PHLPP2: variants seen among roughly 807,000 people sequenced by gnomAD.
PHLPP2 encodes PH domain and leucine rich repeat protein phosphatase 2.
PHLPP2 carries 66 observed loss-of-function variants against 124.9 expected under a neutral mutation model. The ratio of observed to expected loss-of-function variants is 0.53; its 90% CI spans 0.43 to 0.65. The LOEUF is 0.65. PHLPP2 is among the 30% of genes least tolerant of loss of function. The probability of loss-of-function intolerance (pLI) is 0.00; values close to 1 mark genes in which losing one functional copy is unlikely to be tolerated. For synonymous variants in PHLPP2, 681 were observed against 624.7 expected (o/e 1.09, Z -1.34); for missense variants, 1,685 against 1,600.4 (o/e 1.05, Z -0.90).
chr16:71,723,718 C>T, intron 1 of PHLPP2: 13 of 912,320 alleles, frequency 1.4e-5, no homozygotes, highest in South Asian at 5.6e-5. Flanking sequence ...CTCCCTAGTC[C>T]GCTTGCCCGC....
intron 3 of PHLPP2, among the ~76,000 whole-genome samples, chr16:71,694,834 G>A (rs371317121): frequency 6.6e-6 from 1 of 151,866 alleles, no homozygotes; most frequent in African/African-American, 2.4e-5. Context: ...GCCCAGGCTG[G>A]AGTGCAGTGG....
chr16:71,665,821 C>T (rs889949736), intron 12 of PHLPP2, among the ~76,000 whole-genome samples: 1 of 152,168 alleles, frequency 6.6e-6, no homozygotes, highest in African/African-American at 2.4e-5. Flanking sequence ...TGCATCAATA[C>T]TCCATTAAAT....
chr16:71,719,645 C>A (rs920293829), intron 1 of PHLPP2, among the ~76,000 whole-genome samples: 1 of 151,470 alleles, frequency 6.6e-6, no homozygotes, highest in Admixed American at 6.6e-5. Flanking sequence ...TGACACACAC[C>A]GACATTAGTT....
At chr16:71,670,695 A>AACACACACACACACAC (rs71153651) in intron 10 of PHLPP2, among the ~76,000 whole-genome samples, 14,890 of 128,848 alleles carry the variant, frequency 0.12, 1,138 homozygotes, top group Middle Eastern at 0.18. Context: ...AGAGGCTGAA[A>AACACACACACACACAC]ACACACACAC....
At chr16:71,680,210 C>A (rs1440221612) in intron 6 of PHLPP2, among the ~76,000 whole-genome samples, 1 of 152,130 alleles carries the variant, frequency 6.6e-6, no homozygotes, top group Non-Finnish European at 1.5e-5. Flanking sequence ...ATGTAATATA[C>A]AAAATCCTTG....
intron 1 of PHLPP2, among the ~76,000 whole-genome samples, chr16:71,718,253 A>G (rs1004212854): frequency 6.6e-6 from 1 of 152,134 alleles, no homozygotes; most frequent in Non-Finnish European, 1.5e-5. Flanking sequence ...TTTACCTTAG[A>G]TTATAAATTC....
chr16:71,667,346 C>T lies in PHLPP2; in HGVS notation c.1629-13G>A, dbSNP rs2044848645. On this transcript the variant is annotated splice_polypyrimidine_tract_variant and intron_variant, in intron 11 of 18. Transcript: ENST00000568954. ...GCTACTCAGAATTCTAAGGGGGGAG[C>T]ATACAAACAAACACATTAAAAACTT... is the stretch of plus-strand genomic sequence containing the variant. 9 of 1,598,818 alleles carry T rather than the reference C, an allele frequency of 5.6e-6. No individual in the cohort carries two copies. The highest frequency in any genetic ancestry group is 6.8e-6 in the Non-Finnish European group (8 of 1,167,984).
In PHLPP2 at chr16:71,665,390, A is replaced by T. The variant is rs1259772674; in HGVS notation, c.1785-1291T>A. On this transcript the variant is annotated intron_variant, in intron 12 of 18. Transcript: ENST00000568954. ...ACCTTTGTCAACACTGAATATTACA[A>T]ATCCATTAATCTTTGCCAGTCTAGT... 5.3e-5 allele frequency among the ~76,000 whole-genome samples: 8 copies of T among 152,206 alleles called. No homozygotes were observed. The East Asian group carries it at 1.5e-3, about 29-fold the overall frequency.
intron 3 of PHLPP2, among the ~76,000 whole-genome samples, chr16:71,701,686 C>G (rs1036865688): frequency 2.0e-5 from 3 of 152,142 alleles, no homozygotes; most frequent in African/African-American, 7.2e-5. Context: ...AAAATATACA[C>G]AGTAGCCCCC....
At chr16:71,699,840 CA>C (rs1435581407) in intron 3 of PHLPP2, among the ~76,000 whole-genome samples, 1 of 152,242 alleles carries the variant, frequency 6.6e-6, no homozygotes, top group Non-Finnish European at 1.5e-5. Flanking sequence ...CAAGCCTACA[CA>C]GAGTTTGCTT....
chr16:71,672,459 A>G (rs2044903466), intron 9 of PHLPP2, 137 bp from the exon 10 acceptor site: 2 of 655,854 alleles, frequency 3.0e-6, no homozygotes, highest in African/African-American at 3.7e-5. Context: ...AAAGACAAAA[A>G]CTACTGAAAA....
intron 8 of PHLPP2, chr16:71,677,283 C>A (rs561236226): frequency 6.5e-6 from 1 of 153,568 alleles, no homozygotes; most frequent in Non-Finnish European, 1.4e-5. Context: ...GACAAAGGAA[C>A]AGGAAGATGA....
At chr16:71,709,563 G>A (rs1249118415) in intron 2 of PHLPP2, among the ~76,000 whole-genome samples, 1 of 152,150 alleles carries the variant, frequency 6.6e-6, no homozygotes, top group East Asian at 1.9e-4. Flanking sequence ...CAGACAGGAG[G>A]CAATGATTAC....
chr16:71,677,342 T>C (rs979512584), intron 8 of PHLPP2: 4 of 152,312 alleles, frequency 2.6e-5, no homozygotes, highest in Non-Finnish European at 4.4e-5. Flanking sequence ...AACAGTACCA[T>C]GTCCAGAGTA....
At chr16:71,673,871 T>C (rs2044917517) in intron 9 of PHLPP2, among the ~76,000 whole-genome samples, 1 of 152,152 alleles carries the variant, frequency 6.6e-6, no homozygotes, top group Non-Finnish European at 1.5e-5. Flanking sequence ...TCACCAGTTT[T>C]AACACTCTTC....
chr16:71,655,131 T>C (rs1046692198), intron 17 of PHLPP2, 109 bp downstream of exon 17: 1 of 739,530 alleles, frequency 1.4e-6, no homozygotes, highest in African/African-American at 1.7e-5. Flanking sequence ...ACAACGTGAG[T>C]TCTCTCCTTG....
intron 2 of PHLPP2, among the ~76,000 whole-genome samples, chr16:71,712,624 T>C (rs2045331384): frequency 6.6e-6 from 1 of 152,228 alleles, no homozygotes. Context: ...GATCACCCAG[T>C]CTGATCCTTT....
intron 1 of PHLPP2, among the ~76,000 whole-genome samples, chr16:71,716,314 C>A (rs977038174): frequency 1.3e-5 from 2 of 152,126 alleles, no homozygotes; most frequent in African/African-American, 4.8e-5. Context: ...GGGTCCTAAC[C>A]CTTTGCTTTA....
chr16:71,648,750 G>A lies in PHLPP2; in HGVS notation c.*140C>T, dbSNP rs558609247. On this transcript the variant is annotated 3_prime_UTR_variant, in exon 19 of 19. Transcript: ENST00000568954. ...CCCACCATTGCACTCCAGCCTGAGC[G>A]ACTGAGCAAGACTCCGTCTCAAAAC... is the stretch of plus-strand genomic sequence containing the variant. 36 of 673,226 alleles carry A rather than the reference G, an allele frequency of 5.3e-5. No homozygotes were observed. Among genetic ancestry groups the A allele is most frequent in the Admixed American group, 2.3e-4 (9 of 38,338 alleles). 41.7% of individuals were successfully genotyped at this position (673,226 alleles called of 1,614,324 possible). A position where few individuals can be genotyped will look rare whatever the true frequency, so the allele number is the denominator to read the frequency against.
Sources: gnomAD v4.1 joint callset for allele counts (sites outside exome capture counted in the v4.1 genomes callset) on GRCh38, gnomAD v4.1.1 for gene constraint, MANE v1.5 for transcripts, NCBI Gene and HGNC (gene_info 2026-07-23, HGNC 2026-07-21) for gene names.